DIAPH2: variants seen among roughly 807,000 people sequenced by gnomAD.
DIAPH2 encodes protein diaphanous homolog 2.
Under a neutral mutation model 92.7 loss-of-function variants are expected in DIAPH2, and 35 were observed. The ratio of observed to expected loss-of-function variants is 0.38; its 90% confidence interval spans 0.29 to 0.50. The LOEUF (loss-of-function observed/expected upper bound fraction) is 0.50. Ranked by LOEUF, DIAPH2 falls within the 20% of genes least tolerant of loss-of-function variation. The pLI, the probability that DIAPH2 is intolerant of heterozygous loss-of-function variation, is 0.94. For synonymous variants in DIAPH2, 301 were observed against 280.4 expected (o/e 1.07, Z -0.73); for missense variants, 701 against 819.5 (o/e 0.86, Z 1.77).
intron 19 of DIAPH2, among the ~76,000 whole-genome samples, chrX:97,090,524 G>A (rs1471152911): frequency 9.1e-6 from 1 of 109,341 alleles, no homozygotes; most frequent in Non-Finnish European, 1.9e-5. Flanking sequence ...TGTATGGGAT[G>A]TTTGGAAAGG....
At chrX:97,415,430 A>G (rs2069933098) in intron 25 of DIAPH2, among the ~76,000 whole-genome samples, 1 of 111,960 alleles carries the variant, frequency 8.9e-6, no homozygotes, top group African/African-American at 3.3e-5. Context: ...ACTATTCACA[A>G]TAGCAAAAAC....
intron 5 of DIAPH2, among the ~76,000 whole-genome samples, chrX:96,894,715 G>T (rs771722765): frequency 3.7e-4 from 41 of 111,198 alleles, no homozygotes; most frequent in African/African-American, 1.2e-3. Flanking sequence ...CTCCTGGGAA[G>T]GAGATGGGTT....
At chrX:97,547,145 G>A (rs2071187234) in intron 26 of DIAPH2, among the ~76,000 whole-genome samples, 1 of 111,355 alleles carries the variant, frequency 9.0e-6, no homozygotes, top group Admixed American at 9.5e-5. Flanking sequence ...CAACTGCGAG[G>A]ACCCCAGTCA....
intron 26 of DIAPH2, among the ~76,000 whole-genome samples, chrX:97,452,200 C>A (rs956481772): frequency 9.0e-6 from 1 of 111,242 alleles, no homozygotes; most frequent in Admixed American, 9.6e-5. Flanking sequence ...CTAAGAAATA[C>A]AACTTGTGCA....
At chrX:97,070,103 C>T (rs367805510) in intron 17 of DIAPH2, among the ~76,000 whole-genome samples, 7 of 111,147 alleles carry the variant, frequency 6.3e-5, no homozygotes, top group African/African-American at 2.3e-4. Flanking sequence ...TTCCTACAGA[C>T]AGTATTTTAT....
chrX:97,173,868 A>G, intron 22 of DIAPH2, among the ~76,000 whole-genome samples: 2 of 108,219 alleles, frequency 1.8e-5, no homozygotes, highest in South Asian at 8.2e-4. Flanking sequence ...CATGATTGCT[A>G]CTGCACTCCA....
At chrX:97,245,462 G>A (rs946073925) in intron 22 of DIAPH2, among the ~76,000 whole-genome samples, 11 of 110,442 alleles carry the variant, frequency 1.0e-4, no homozygotes, top group African/African-American at 3.3e-4. Context: ...TTGTAGAGAC[G>A]AGGTCTAGCT....
intron 21 of DIAPH2, among the ~76,000 whole-genome samples, chrX:97,132,106 C>T (rs1012503319): frequency 2.7e-5 from 3 of 112,044 alleles, no homozygotes; most frequent in East Asian, 2.8e-4. Context: ...AATGTTGTTA[C>T]GGTTTCAAGT....
chrX:97,476,968 A>T (rs6620286), intron 26 of DIAPH2, among the ~76,000 whole-genome samples: 12,540 of 32,329 alleles, frequency 0.39, 2,192 homozygotes, highest in Middle Eastern at 0.56. Context: ...AAAAAAAAAA[A>T]ATATATATAT....
chrX:96,784,013 A>T (rs1360251053), intron 4 of DIAPH2, among the ~76,000 whole-genome samples: 1 of 111,809 alleles, frequency 8.9e-6, no homozygotes, highest in East Asian at 2.8e-4. Flanking sequence ...TTAAAAATAG[A>T]TGCATTGGAA....
chrX:97,601,522 G>C lies in DIAPH2; in HGVS notation c.*2205G>C, dbSNP rs2071596056. The C allele has an allele frequency of 9.1e-6, 1 of 110,142 alleles. No individual in the cohort carries two copies. The highest frequency in any genetic ancestry group is 1.9e-5 in the Non-Finnish European group (1 of 52,682). The allele number at this position is 110,142 out of a possible 1,213,427, so 9.1% of individuals were successfully genotyped here. A position where few individuals can be genotyped will look rare whatever the true frequency, so the allele number is the denominator to read the frequency against. On this transcript the variant is annotated 3_prime_UTR_variant, in exon 27 of 27. Coordinates refer to ENST00000324765, the MANE Select transcript of DIAPH2 (RefSeq NM_006729.5). ...GTTAAAAGGTTTGTTTCCCAGATTT[G>C]TAATGGTCCTGCTCTAGCCATTTGC... is the stretch of plus-strand genomic sequence containing the variant.
chrX:96,985,864 G>A (rs2066028084), intron 17 of DIAPH2, among the ~76,000 whole-genome samples: 1 of 110,692 alleles, frequency 9.0e-6, no homozygotes, highest in African/African-American at 3.3e-5. Flanking sequence ...TGAAGTGTGG[G>A]GTTTTGAGTT....
At chrX:96,876,851 T>C (rs2065183394) in intron 4 of DIAPH2, among the ~76,000 whole-genome samples, 1 of 110,962 alleles carries the variant, frequency 9.0e-6, no homozygotes, top group South Asian at 3.8e-4. Flanking sequence ...ATGGCACATG[T>C]ATACATATGT....
At position 96,999,938 on chromosome X, in the gene DIAPH2, G is replaced by A. The variant is rs920219413; in HGVS notation, c.2050+34731G>A. Among the ~76,000 whole-genome samples, 6 of 111,621 alleles carry A rather than the reference G, an allele frequency of 5.4e-5. 1 individual carries two copies. Among genetic ancestry groups the A allele is most frequent in the African/African-American group, 1.3e-4 (4 of 30,675 alleles). ...TGCACATGCACTCTTGCTTGCTGCC[G>A]TGTAAGACATGCCTTTGCTCCTCTT... is the stretch of plus-strand genomic sequence containing the variant. On this transcript the variant is annotated intron_variant, in intron 17 of 26. Coordinates refer to ENST00000324765, the MANE Select transcript of DIAPH2 (RefSeq NM_006729.5).
chrX:96,801,596 A>G (rs915145374), intron 4 of DIAPH2, among the ~76,000 whole-genome samples: 3 of 111,455 alleles, frequency 2.7e-5, no homozygotes, highest in African/African-American at 9.8e-5. Flanking sequence ...AAACTTAGAG[A>G]TGTTGAGTGA....
At chrX:96,913,360 A>C (rs1361607304) in intron 7 of DIAPH2, among the ~76,000 whole-genome samples, 3 of 111,624 alleles carry the variant, frequency 2.7e-5, no homozygotes, top group African/African-American at 9.7e-5. Context: ...ACATAACAAA[A>C]AGAAAGAAAT....
chrX:97,504,813 C>A (rs1456584085), intron 26 of DIAPH2, among the ~76,000 whole-genome samples: 5 of 112,134 alleles, frequency 4.5e-5, no homozygotes, highest in Non-Finnish European at 7.5e-5. Flanking sequence ...AAAAACAGCA[C>A]CAATTTCAGG....
At chrX:96,888,746 G>A (rs2065287227) in intron 5 of DIAPH2, among the ~76,000 whole-genome samples, 1 of 107,047 alleles carries the variant, frequency 9.3e-6, no homozygotes, top group Non-Finnish European at 1.9e-5. Context: ...ACCTTTAAAT[G>A]TACATATACA....
chrX:97,384,695 A>G (rs1462007594), intron 25 of DIAPH2, among the ~76,000 whole-genome samples: 2 of 109,439 alleles, frequency 1.8e-5, no homozygotes, highest in African/African-American at 6.7e-5. Context: ...GGTGAAACCC[A>G]TCTCTACAAA....
Sources: gnomAD v4.1 joint callset for allele counts (sites outside exome capture counted in the v4.1 genomes callset) on GRCh38, gnomAD v4.1.1 for gene constraint, MANE v1.5 for transcripts, NCBI Gene and HGNC (gene_info 2026-07-23, HGNC 2026-07-21) for gene names.